Variants in SCN10A observed in about 807,000 individuals in gnomAD.
The protein encoded by SCN10A is sodium voltage-gated channel alpha subunit 10.
SCN10A carries 162 observed loss-of-function variants against 170.7 expected under a neutral mutation model. That is an observed-to-expected ratio of 0.95 (90% CI 0.84 to 1.08). The LOEUF is 1.08. Ranked by LOEUF, SCN10A falls within the 50% of genes least tolerant of loss-of-function variation. SCN10A has a pLI of 0.00. For synonymous variants in SCN10A, 985 were observed against 904.6 expected (o/e 1.09, Z -1.59); for missense variants, 2,527 against 2,436.9 (o/e 1.04, Z -0.78).
chr3:38,735,039 G>A (rs1007390995), intron 15 of SCN10A, among the ~76,000 whole-genome samples: 1 of 151,728 alleles, frequency 6.6e-6, no homozygotes, highest in Non-Finnish European at 1.5e-5. Context: ...GCATGGTGGT[G>A]GGTGCCTGTA....
chr3:38,713,286 A>C (rs2063295715), intron 22 of SCN10A, among the ~76,000 whole-genome samples: 1 of 152,188 alleles, frequency 6.6e-6, no homozygotes, highest in Non-Finnish European at 1.5e-5. Flanking sequence ...GTGGCAGCTG[A>C]GGTAATGAGC....
At chr3:38,737,032 G>C (rs1302632425) in intron 15 of SCN10A, among the ~76,000 whole-genome samples, 1 of 125,526 alleles carries the variant, frequency 8.0e-6, no homozygotes, top group Non-Finnish European at 1.6e-5. Context: ...TTGCAGTGGC[G>C]CAATCTCGGC....
chr3:38,722,244 A>T lies in SCN10A; in HGVS notation c.3507+14T>A. Reference sequence around the variant, plus strand: ...TCTGGAGGATTTGGGGGCAGGGACTATGCCTCCCCTTACCAGAGATCCACT... The same window carrying T: ...TCTGGAGGATTTGGGGGCAGGGACTTTGCCTCCCCTTACCAGAGATCCACT... On this transcript the variant is annotated intron_variant, in intron 20 of 27. Coordinates refer to ENST00000449082, the MANE Select transcript of SCN10A (RefSeq NM_006514.4). 6.2e-7 allele frequency: 1 copy of T among 1,611,502 alleles called. No homozygotes were observed. The highest frequency in any genetic ancestry group is 1.1e-5 in the South Asian group (1 of 90,696).
chr3:38,733,362 T>C (rs185539195), intron 15 of SCN10A, among the ~76,000 whole-genome samples: 69 of 152,306 alleles, frequency 4.5e-4, no homozygotes, highest in Admixed American at 1.6e-3. Flanking sequence ...TAAACCTTTA[T>C]TGGGGTCAGT....
intron 13 of SCN10A, among the ~76,000 whole-genome samples, chr3:38,743,179 A>G (rs979703265): frequency 2.0e-5 from 3 of 152,168 alleles, no homozygotes; most frequent in Non-Finnish European, 4.4e-5. Flanking sequence ...TTCACTCAGA[A>G]TATAGACTAG....
At chr3:38,808,959 T>C (rs918714375) in intron 1 of SCN10A, among the ~76,000 whole-genome samples, 1 of 152,200 alleles carries the variant, frequency 6.6e-6, no homozygotes, top group African/African-American at 2.4e-5. Flanking sequence ...GTTTTTGTTG[T>C]TGTTGTTTTT....
chr3:38,745,337 C>T (rs2063675060), intron 13 of SCN10A, among the ~76,000 whole-genome samples: 1 of 152,210 alleles, frequency 6.6e-6, no homozygotes, highest in Non-Finnish European at 1.5e-5. Flanking sequence ...CTCCTGTTAA[C>T]ACCAGTGTCT....
chr3:38,789,165 A>G, intron 3 of SCN10A, 129 bp from the exon 4 acceptor site: 1 of 659,866 alleles, frequency 1.5e-6, no homozygotes, highest in Non-Finnish European at 2.7e-6. Flanking sequence ...TTGTCACATA[A>G]TAACCACTAA....
At chr3:38,707,641 G>C (rs541475904) in intron 25 of SCN10A, among the ~76,000 whole-genome samples, 1 of 152,278 alleles carries the variant, frequency 6.6e-6, no homozygotes, top group South Asian at 2.1e-4. Flanking sequence ...CTGGATAAAG[G>C]GTGGGGAGGG....
Position 38,712,422 on chromosome 3 carries a change from G to C in SCN10A, c.3828C>G (p.Gly1276=), listed in dbSNP as rs375572917. ...GMRVVVDALV[G]AIPSIMNVLL... ...GGACATTCATGATGGATGGGATGGC[G>C]CCCACCAGGGCATCCACCACCACCT... Residue 1276 remains glycine, a synonymous_variant, in exon 23 of 28, where the codon GGC becomes GGG. Transcript: ENST00000449082. 6.2e-7 allele frequency: 1 copy of C among 1,613,900 alleles called. No homozygotes were observed. Among genetic ancestry groups the C allele is most frequent in the Non-Finnish European group, 8.5e-7 (1 of 1,179,802 alleles).
At chr3:38,736,739 G>A (rs564034713) in intron 15 of SCN10A, among the ~76,000 whole-genome samples, 1 of 152,158 alleles carries the variant, frequency 6.6e-6, no homozygotes, top group South Asian at 2.1e-4. Context: ...AAGAAAGTGT[G>A]TAGTTGGTGG....
In SCN10A at chr3:38,726,718, G is replaced by T; in HGVS notation, c.2975C>A (p.Thr992Asn). ...DEHSDFIANP[T>N]VWVSVPIAEG... ...AGCAATGGGCACAGAGACCCACACA[G>T]TCGGATTAGCGATGAAGTCACTGTG... Residue 992 changes from threonine to asparagine, a missense_variant, in exon 17 of 28, where the codon ACT (threonine) becomes AAT (asparagine). Transcript: ENST00000449082. 1 of 1,613,034 alleles carries T rather than the reference G, an allele frequency of 6.2e-7. No individual in the cohort carries two copies. The highest frequency in any genetic ancestry group is 8.5e-7 in the Non-Finnish European group (1 of 1,179,030).
Position 38,728,723 on chromosome 3 carries a change from A to G in SCN10A, c.2459T>C (p.Ile820Thr). The G allele has an allele frequency of 6.2e-7, 1 of 1,614,164 alleles. No homozygotes were observed. The highest frequency in any genetic ancestry group is 2.2e-5 in the East Asian group (1 of 44,878). Reference protein sequence around the residue: ...GENYRNNRKNISAPHEDWPRW... With the variant: ...GENYRNNRKNTSAPHEDWPRW... ...GGGCCAGTCTTCATGGGGCGCGGAG[A>G]TATTTTTTCGGTTGTTACGGTAGTT... is the stretch of plus-strand genomic sequence containing the variant. The change falls in exon 16 of 28, where the codon ATC becomes ACC. Residue 820 changes from isoleucine (I) to threonine (T), a missense_variant. Physicochemically the swap from Ile to Thr is moderately conservative, Grantham distance 89. Transcript: ENST00000449082.
At chr3:38,701,747 A>C in intron 27 of SCN10A, 92 bp downstream of exon 27, 1 of 1,266,006 alleles carries the variant, frequency 7.9e-7, no homozygotes, top group Non-Finnish European at 1.1e-6. Flanking sequence ...GTATTTCAAA[A>C]AGTTGGTTGG....
chr3:38,793,976 T>A lies in SCN10A; in HGVS notation c.35A>T (p.Asn12Ile). Residue 12 changes from asparagine to isoleucine, a missense_variant, in exon 2 of 28, where the codon AAC becomes ATC. By Grantham distance (149) the Asn-to-Ile change is moderately radical. Coordinates refer to ENST00000449082, the MANE Select transcript of SCN10A (RefSeq NM_006514.4). ...TGACTCCGGAGTAAAGCGACGGAAG[T>A]TGTTAGTTTCGAGGGATCCAATGGG... is the stretch of plus-strand genomic sequence containing the variant. ...EFPIGSLETN[N>I]FRRFTPESLV... The A allele has an allele frequency of 6.2e-7, 1 of 1,613,984 alleles. No individual in the cohort carries two copies. The highest frequency in any genetic ancestry group is 8.5e-7 in the Non-Finnish European group (1 of 1,179,862).
Position 38,726,878 on chromosome 3 carries a change from G to C in SCN10A, c.2815C>G (p.Pro939Ala). The C allele has an allele frequency of 6.2e-7, 1 of 1,614,228 alleles. No homozygotes were observed. Residue 939 changes from proline to alanine, a missense_variant, in exon 17 of 28, where the codon CCC becomes GCC. By Grantham distance (27) the Pro-to-Ala change is conservative. Coordinates refer to ENST00000449082, the MANE Select transcript of SCN10A (RefSeq NM_006514.4). ...AGCTCAGGCTCTGCCTTGGGCTGGG[G>C]GAATGGGCAGGACCTGCTGAAGAAG... Reference protein sequence around the residue: ...CSFFSRSCPFPQPKAEPELVV... With the variant: ...CSFFSRSCPFAQPKAEPELVV...
intron 20 of SCN10A, among the ~76,000 whole-genome samples, chr3:38,721,902 C>T (rs571364152): frequency 1.3e-5 from 2 of 152,292 alleles, no homozygotes; most frequent in African/African-American, 2.4e-5. Flanking sequence ...CCAGGGGCTT[C>T]GGGATTAAAT....
chr3:38,703,725 C>T (rs1221351775), intron 26 of SCN10A, among the ~76,000 whole-genome samples: 1 of 152,230 alleles, frequency 6.6e-6, no homozygotes, highest in South Asian at 2.1e-4. Flanking sequence ...TTCTTCGAGG[C>T]TCAGTCTTGA....
intron 12 of SCN10A, among the ~76,000 whole-genome samples, chr3:38,750,753 A>T (rs1004673800): frequency 1.3e-5 from 2 of 152,248 alleles, no homozygotes; most frequent in African/African-American, 4.8e-5. Context: ...GGGCCTAAAG[A>T]GTCAATCTTT....
Sources: gnomAD v4.1 joint callset for allele counts (sites outside exome capture counted in the v4.1 genomes callset) on GRCh38, gnomAD v4.1.1 for gene constraint, MANE v1.5 for transcripts, NCBI Gene and HGNC (gene_info 2026-07-23, HGNC 2026-07-21) for gene names.